The following CDKAL1 variants were observed in gnomAD, a reference collection of about 807,000 sequenced individuals.
CDKAL1 encodes the protein CDKAL1 threonylcarbamoyladenosine tRNA methylthiotransferase.
CDKAL1 carries 32 observed loss-of-function variants against 68.2 expected under a neutral mutation model. That is an observed-to-expected ratio of 0.47 (90% CI 0.35 to 0.63). The LOEUF is 0.63. CDKAL1 is among the 30% of genes least tolerant of loss of function. CDKAL1 has a pLI of 0.00. For synonymous variants in CDKAL1, 234 were observed against 244.3 expected, an observed-to-expected ratio of 0.96 and a Z score of 0.39; for missense variants, 606 against 696.7, an observed-to-expected ratio of 0.87 and a Z score of 1.47.
intron 11 of CDKAL1, among the ~76,000 whole-genome samples, chr6:21,030,792 T>C (rs1167612233): frequency 2.0e-5 from 3 of 152,172 alleles, no homozygotes; most frequent in East Asian, 1.9e-4. Flanking sequence ...AAGGGATACA[T>C]TGAAAAGTCA....
intron 10 of CDKAL1, among the ~76,000 whole-genome samples, chr6:20,969,660 G>A (rs947282182): frequency 6.6e-6 from 1 of 152,198 alleles, no homozygotes; most frequent in Non-Finnish European, 1.5e-5. Flanking sequence ...GAACTAGTAA[G>A]TCTCTCAGTT....
intron 15 of CDKAL1, among the ~76,000 whole-genome samples, chr6:21,225,687 G>A (rs543252391): frequency 1.2e-4 from 19 of 152,254 alleles, no homozygotes; most frequent in East Asian, 9.6e-4. Context: ...CTGAACCTGC[G>A]TTCAGTTTGG....
chr6:20,686,100 C>A (rs1185574745), intron 5 of CDKAL1, among the ~76,000 whole-genome samples: 1 of 140,750 alleles, frequency 7.1e-6, no homozygotes, highest in Admixed American at 7.1e-5. Context: ...TTTTTTTTTG[C>A]CAATACTCTT....
chr6:20,926,026 A>G (rs1159998385), intron 9 of CDKAL1, among the ~76,000 whole-genome samples: 1 of 152,136 alleles, frequency 6.6e-6, no homozygotes, highest in Non-Finnish European at 1.5e-5. Context: ...TAACCTGAGG[A>G]TGGTTTTCTG....
intron 13 of CDKAL1, among the ~76,000 whole-genome samples, chr6:21,125,119 T>G (rs1035900619): frequency 2.0e-5 from 3 of 152,174 alleles, no homozygotes; most frequent in Non-Finnish European, 4.4e-5. Context: ...TGAATTATAA[T>G]CCACATAACC....
chr6:21,089,731 A>C (rs75025314), intron 12 of CDKAL1, among the ~76,000 whole-genome samples: 14,469 of 152,292 alleles, frequency 0.095, 798 homozygotes, highest in African/African-American at 0.14. Context: ...TTGAAGCGTC[A>C]TGGGTGAGAA....
At chr6:20,828,615 GA>G (rs1176039926) in intron 8 of CDKAL1, among the ~76,000 whole-genome samples, 2 of 152,098 alleles carry the variant, frequency 1.3e-5, no homozygotes, top group Admixed American at 1.3e-4. Flanking sequence ...TGAACTGTTG[GA>G]ATTGTCCATA....
At chr6:20,834,666 A>G (rs11964964) in intron 8 of CDKAL1, among the ~76,000 whole-genome samples, 5 of 152,226 alleles carry the variant, frequency 3.3e-5, no homozygotes, top group African/African-American at 1.2e-4. Flanking sequence ...AAAATAGGCA[A>G]CACATTTCAT....
At chr6:20,904,405 C>G (rs1290590974) in intron 9 of CDKAL1, among the ~76,000 whole-genome samples, 5 of 152,090 alleles carry the variant, frequency 3.3e-5, no homozygotes, top group Non-Finnish European at 7.4e-5. Flanking sequence ...TTTTTCACCC[C>G]TTCATTTTTT....
At chr6:20,789,003 A>AT (rs1295662215) in intron 8 of CDKAL1, among the ~76,000 whole-genome samples, 1 of 152,126 alleles carries the variant, frequency 6.6e-6, no homozygotes, top group Non-Finnish European at 1.5e-5. Flanking sequence ...TGCAGAAAAA[A>AT]TTTTCTGGCT....
chr6:21,048,265 C>G (rs1770353813), intron 11 of CDKAL1, among the ~76,000 whole-genome samples: 2 of 152,192 alleles, frequency 1.3e-5, no homozygotes, highest in Admixed American at 1.3e-4. Flanking sequence ...TTTACAAAAT[C>G]AGACAACAGC....
rs114855397 is a variant in CDKAL1, at chr6:20,650,937, T to C, written c.371+1560T>C. Among the ~76,000 whole-genome samples the C allele has an allele frequency of 6.7e-3, 1,023 of 152,336 alleles. 7 individuals are homozygous for C. The highest frequency in any genetic ancestry group is 0.023 in the African/African-American group (967 of 41,574). On this transcript the variant is annotated intron_variant, in intron 5 of 15. Coordinates refer to ENST00000274695, the MANE Select transcript of CDKAL1 (RefSeq NM_017774.3). ...TGTATCTGTTTTTACACCAGTCCTA[T>C]GAAGTTTTGGTTACTGTAGCCTTGT...
rs188442257 is a variant in CDKAL1, at chr6:20,780,720, C to T, written c.518-425C>T. On this transcript the variant is annotated intron_variant, in intron 7 of 15. Transcript: ENST00000274695. ...ATGGAGTCTCACTCTGTCACCTAGG[C>T]TGGAGTGCAGTGGTGCCATCTGGGC... 1.0e-4 allele frequency among the ~76,000 whole-genome samples: 15 copies of T among 143,586 alleles called. No homozygotes were observed. In the East Asian group the frequency reaches 3.0e-3, roughly 29 times the overall value. 94.2% of individuals were successfully genotyped at this position (143,586 alleles called of 152,430 possible). A position where few individuals can be genotyped will look rare whatever the true frequency, so the allele number is the denominator to read the frequency against.
In CDKAL1 at chr6:21,154,670, ATACTC is replaced by A. The variant is rs1434366034; in HGVS notation, c.1300-43347_1300-43343del. 2.0e-5 allele frequency among the ~76,000 whole-genome samples: 3 copies of A among 152,202 alleles called. No homozygotes were observed. In the East Asian group the frequency reaches 5.8e-4, roughly 29 times the overall value. On this transcript the variant is annotated intron_variant, in intron 13 of 15. Transcript: ENST00000274695. ...GTTGTTAAGCTTCAGTGGTGGCTAA[ATACTC>A]TACAATGTGTAAAATATTAAAATAC...
intron 9 of CDKAL1, among the ~76,000 whole-genome samples, chr6:20,952,161 T>C (rs1176119372): frequency 2.6e-5 from 4 of 152,076 alleles, no homozygotes; most frequent in Non-Finnish European, 4.4e-5. Flanking sequence ...GGTTTCACCG[T>C]GTTAGCCAGG....
At chr6:20,698,162 G>C (rs766686698) in intron 5 of CDKAL1, among the ~76,000 whole-genome samples, 2 of 152,132 alleles carry the variant, frequency 1.3e-5, no homozygotes, top group Non-Finnish European at 2.9e-5. Context: ...GTGTCTGTCT[G>C]TAACATAGTG....
intron 9 of CDKAL1, among the ~76,000 whole-genome samples, chr6:20,861,901 T>C (rs917788908): frequency 6.6e-6 from 1 of 152,252 alleles, no homozygotes; most frequent in Non-Finnish European, 1.5e-5. Flanking sequence ...AGAAGTCATA[T>C]TGAATGTTCC....
At chr6:21,209,811 G>T (rs1050096063) in intron 15 of CDKAL1, among the ~76,000 whole-genome samples, 32 of 152,328 alleles carry the variant, frequency 2.1e-4, no homozygotes, top group African/African-American at 7.2e-4. Flanking sequence ...ATCCCTGCAG[G>T]ATGGGACTAG....
At chr6:20,788,657 AG>A (rs1368653033) in intron 8 of CDKAL1, among the ~76,000 whole-genome samples, 1 of 152,214 alleles carries the variant, frequency 6.6e-6, no homozygotes, top group Non-Finnish European at 1.5e-5. Flanking sequence ...TGTATAGCTT[AG>A]CACATTAATA....
Sources: allele counts gnomAD v4.1 joint callset (sites outside exome capture counted in the v4.1 genomes callset), GRCh38; gene constraint gnomAD v4.1.1; transcripts MANE v1.5; gene names NCBI Gene and HGNC (gene_info 2026-07-23, HGNC 2026-07-21).